Variants in ZDHHC20 observed in about 807,000 individuals in gnomAD.
ZDHHC20 encodes the protein zDHHC palmitoyltransferase 20, also known as palmitoyltransferase ZDHHC20.
Under a neutral mutation model 57.8 loss-of-function variants are expected in ZDHHC20, and 43 were observed. The observed-to-expected ratio is 0.74, with a 90% confidence interval of 0.58 to 0.96. The LOEUF is 0.96. Ranked by LOEUF, ZDHHC20 falls within the 40% of genes least tolerant of loss-of-function variation. The pLI is 0.00. For synonymous variants in ZDHHC20, 157 were observed against 153.0 expected, an observed-to-expected ratio of 1.03 and a Z score of -0.19; for missense variants, 391 against 441.1, an observed-to-expected ratio of 0.89 and a Z score of 1.02.
chr13:21,421,040 AT>A lies in ZDHHC20; in HGVS notation c.249+20del, dbSNP rs747215816. 1.3e-6 allele frequency: 2 copies of A among 1,590,986 alleles called. No homozygotes were observed. Among genetic ancestry groups the A allele is most frequent in the South Asian group, 2.2e-5 (2 of 90,250 alleles). The stretch of plus-strand genomic sequence containing the variant: ...CCATAATCAGTTAAAACATTTGGTA[AT>A]TTACCAACATTAAATTTACCTCTTT... On this transcript the variant is annotated intron_variant, in intron 3 of 12. Transcript: ENST00000400590.
chr13:21,396,771 T>TA (rs1876846015), intron 7 of ZDHHC20, among the ~76,000 whole-genome samples: 1 of 151,432 alleles, frequency 6.6e-6, no homozygotes, highest in Non-Finnish European at 1.5e-5. Context: ...AGGTGAAGGT[T>TA]ACAGTGAGCT....
intron 1 of ZDHHC20, among the ~76,000 whole-genome samples, chr13:21,438,205 T>A (rs1200850416): frequency 6.6e-6 from 1 of 152,234 alleles, no homozygotes; most frequent in African/African-American, 2.4e-5. Flanking sequence ...TTATTATTTA[T>A]TTAAGAAATA....
rs1871912120 is a variant in ZDHHC20 at position 21,375,365 on chromosome 13, GTC to G, written c.*1329_*1330del. On this transcript the variant is annotated 3_prime_UTR_variant, in exon 13 of 13. Coordinates refer to ENST00000400590, the MANE Select transcript of ZDHHC20 (RefSeq NM_001330059.2). ...TTGGGGGGGGTGTGTGTGTGTGTGTGTCTGTCTGTCTAAAAGGTGTAAATGAG... is the reference window on the plus strand; with the variant it reads ...TTGGGGGGGGTGTGTGTGTGTGTGTGTGTCTGTCTAAAAGGTGTAAATGAG... 24 of 334,102 alleles carry G rather than the reference GTC, an allele frequency of 7.2e-5. No individual in the cohort carries two copies. The highest frequency in any genetic ancestry group is 1.1e-3 in the Middle Eastern group (1 of 930). The allele number at this position is 334,102 out of a possible 1,614,324, so 20.7% of individuals were successfully genotyped here.
chr13:21,429,486 T>C (rs1330582726), intron 1 of ZDHHC20, among the ~76,000 whole-genome samples: 2 of 152,196 alleles, frequency 1.3e-5, no homozygotes, highest in African/African-American at 4.8e-5. Context: ...GTTATTCTGT[T>C]TTTCCCCTAT....
chr13:21,421,292 C>T, intron 2 of ZDHHC20, 128 bp from the exon 3 acceptor site: 2 of 681,470 alleles, frequency 2.9e-6, no homozygotes, highest in Non-Finnish European at 5.2e-6. Context: ...TGTACTGAAA[C>T]ATCAAATATA....
chr13:21,376,294 T>G lies in ZDHHC20; in HGVS notation c.*402A>C, dbSNP rs1472458390. On this transcript the variant is annotated 3_prime_UTR_variant, in exon 13 of 13. Coordinates refer to ENST00000400590, the MANE Select transcript of ZDHHC20 (RefSeq NM_001330059.2). The stretch of plus-strand genomic sequence containing the variant: ...ATGTACTTTAAAGTTTTTAAGCTTG[T>G]GTTTTTGGAGTGAAAATGTATATGG... 1 of 163,714 alleles carries G rather than the reference T, an allele frequency of 6.1e-6. No homozygotes were observed. Among genetic ancestry groups the G allele is most frequent in the African/African-American group, 2.4e-5 (1 of 42,042 alleles). The allele number at this position is 163,714 out of a possible 1,614,324, so 10.1% of individuals were successfully genotyped here. A position where few individuals can be genotyped will look rare whatever the true frequency, so the allele number is the denominator to read the frequency against.
chr13:21,378,645 C>G lies in ZDHHC20; in HGVS notation c.*40+16G>C. On this transcript the variant is annotated intron_variant, in intron 12 of 12. Coordinates refer to ENST00000400590, the MANE Select transcript of ZDHHC20 (RefSeq NM_001330059.2). The stretch of plus-strand genomic sequence containing the variant: ...TAAGCTGCATTTATTCAAGGATTAC[C>G]TTTATACTGTCTTACCTTGCTCTTA... 1 of 1,323,982 alleles carries G rather than the reference C, an allele frequency of 7.6e-7. No homozygotes were observed. The highest frequency in any genetic ancestry group is 3.2e-5 in the Admixed American group (1 of 30,942). 82.0% of individuals were successfully genotyped at this position (1,323,982 alleles called of 1,614,324 possible).
intron 11 of ZDHHC20, among the ~76,000 whole-genome samples, chr13:21,380,946 C>A (rs1873269204): frequency 6.6e-6 from 1 of 151,916 alleles, no homozygotes; most frequent in Non-Finnish European, 1.5e-5. Flanking sequence ...CTATCCCTTC[C>A]TCATAGAAGC....
At chr13:21,445,594 C>T (rs1044426754) in intron 1 of ZDHHC20, among the ~76,000 whole-genome samples, 5 of 152,092 alleles carry the variant, frequency 3.3e-5, no homozygotes, top group Non-Finnish European at 5.9e-5. Flanking sequence ...TCAATAATAC[C>T]GATTATCAAT....
chr13:21,445,432 C>T (rs1199386303), intron 1 of ZDHHC20, among the ~76,000 whole-genome samples: 1 of 152,120 alleles, frequency 6.6e-6, no homozygotes, highest in South Asian at 2.1e-4. Flanking sequence ...AAGTGAACTG[C>T]CTCAGACTAT....
chr13:21,415,969 G>A lies in ZDHHC20; in HGVS notation c.250-2197C>T, dbSNP rs1416216628. Among the ~76,000 whole-genome samples, 11 of 151,942 alleles carry A rather than the reference G, an allele frequency of 7.2e-5. 1 individual carries two copies. Among genetic ancestry groups the A allele is most frequent in the Non-Finnish European group, 1.5e-4 (10 of 68,004 alleles). On this transcript the variant is annotated intron_variant, in intron 3 of 12. Coordinates refer to ENST00000400590, the MANE Select transcript of ZDHHC20 (RefSeq NM_001330059.2). ...TATAATCCCAGCACTTTGGGAGGCC[G>A]AAGCTGGTGGATCACGAGGTCAGGA...
chr13:21,388,931 T>C (rs1229249705), intron 8 of ZDHHC20, among the ~76,000 whole-genome samples: 5 of 152,056 alleles, frequency 3.3e-5, no homozygotes, highest in Admixed American at 6.6e-5. Flanking sequence ...AGAATGGACA[T>C]GGGTGAGAAA....
At chr13:21,403,424 A>G (rs1877994296) in intron 4 of ZDHHC20, among the ~76,000 whole-genome samples, 1 of 152,230 alleles carries the variant, frequency 6.6e-6, no homozygotes, top group African/African-American at 2.4e-5. Context: ...TGCCTAATAC[A>G]TATGTTCATT....
At chr13:21,414,446 C>T (rs376837302) in intron 3 of ZDHHC20, among the ~76,000 whole-genome samples, 5 of 151,110 alleles carry the variant, frequency 3.3e-5, no homozygotes, top group African/African-American at 7.3e-5. Flanking sequence ...CTGCAAGCTC[C>T]GCCTCCCGGG....
At chr13:21,378,281 C>T (rs1045316902) in intron 12 of ZDHHC20, among the ~76,000 whole-genome samples, 2 of 152,060 alleles carry the variant, frequency 1.3e-5, no homozygotes, top group African/African-American at 2.4e-5. Context: ...GCTGGTCTCT[C>T]ACTCCTGGAC....
At chr13:21,406,021 G>C (rs1383190288) in intron 4 of ZDHHC20, among the ~76,000 whole-genome samples, 1 of 152,164 alleles carries the variant, frequency 6.6e-6, no homozygotes, top group Admixed American at 6.5e-5. Context: ...AACCACTAAG[G>C]ACTGAGTGGT....
intron 10 of ZDHHC20, chr13:21,381,991 C>CA (rs1873510214): frequency 2.0e-6 from 1 of 502,332 alleles, no homozygotes; most frequent in African/African-American, 1.9e-5. Flanking sequence ...ACTTATTTTT[C>CA]TAGCTAAAAG....
At chr13:21,408,310 T>C (rs1240613656) in intron 4 of ZDHHC20, among the ~76,000 whole-genome samples, 2 of 152,226 alleles carry the variant, frequency 1.3e-5, no homozygotes, top group South Asian at 2.1e-4. Flanking sequence ...CAGTGGTTTG[T>C]AGTTCTCCTT....
chr13:21,386,738 C>T lies in ZDHHC20; in HGVS notation c.854+770G>A, dbSNP rs538212369. Reference sequence around the variant, plus strand: ...TAATTTTTGTATTTTTAGTAGAGACCGGGTTTCACCATGTTGGCCAGGCTG... The same window carrying T: ...TAATTTTTGTATTTTTAGTAGAGACTGGGTTTCACCATGTTGGCCAGGCTG... On this transcript the variant is annotated intron_variant, in intron 9 of 12. Transcript: ENST00000400590. 1.3e-4 allele frequency among the ~76,000 whole-genome samples: 20 copies of T among 151,978 alleles called. 1 individual carries two copies. The highest frequency in any genetic ancestry group is 2.6e-4 in the Non-Finnish European group (18 of 67,998).
Sources: gnomAD v4.1 joint callset for allele counts (sites outside exome capture counted in the v4.1 genomes callset) on GRCh38, gnomAD v4.1.1 for gene constraint, MANE v1.5 for transcripts, NCBI Gene and HGNC (gene_info 2026-07-23, HGNC 2026-07-21) for gene names.